ZNF780A: variants seen among roughly 807,000 people sequenced by gnomAD.
The protein encoded by ZNF780A is zinc finger protein 780A.
ZNF780A carries 40 observed loss-of-function variants against 56.7 expected under a neutral mutation model. That is an observed-to-expected ratio of 0.71 (90% CI 0.55 to 0.92). The LOEUF (loss-of-function observed/expected upper bound fraction) is 0.92, where lower values mean the gene tolerates loss of function less well. Among genes scored for constraint, ZNF780A ranks in the 40% least tolerant of loss-of-function variants. The probability of loss-of-function intolerance (pLI) is 0.00; values close to 1 mark genes in which losing one functional copy is unlikely to be tolerated. For synonymous variants in ZNF780A, 231 were observed against 248.3 expected (o/e 0.93, Z 0.66); for missense variants, 672 against 783.3 (o/e 0.86, Z 1.70).
chr19:40,069,360 C>CA (rs1031617949), downstream of ZNF780A: 1 of 152,216 alleles, frequency 6.6e-6, no homozygotes, highest in Non-Finnish European at 1.5e-5. Flanking sequence ...CCAGCTCTCA[C>CA]AAAAATTAAC....
intron 2 of ZNF780A, chr19:40,085,487 A>T (rs1036864911): frequency 1.3e-5 from 5 of 373,936 alleles, no homozygotes; most frequent in Non-Finnish European, 1.5e-5. Context: ...AATACTAATA[A>T]AAAGACTAAC....
intron 5 of ZNF780A, among the ~76,000 whole-genome samples, chr19:40,079,885 G>C (rs865874464): frequency 3.9e-4 from 59 of 152,042 alleles, no homozygotes; most frequent in Non-Finnish European, 2.1e-4. Flanking sequence ...AAAGCAGAAA[G>C]ATTTCAAATA....
rs1599825647 is a variant in ZNF780A, at chr19:40,073,843, T to C, written c.*673A>G. The C allele has an allele frequency of 1.4e-5, 14 of 995,564 alleles. No individual in the cohort carries two copies. Among genetic ancestry groups the C allele is most frequent in the Middle Eastern group, 5.1e-4 (1 of 1,948 alleles). 61.7% of individuals were successfully genotyped at this position (995,564 alleles called of 1,614,324 possible). ...AGTGAAGGCTTGTCCACACTCCTTA[T>C]TGTCACAAAATTTCTAACTATTCTG... On this transcript the variant is annotated 3_prime_UTR_variant, in exon 6 of 6. Transcript: ENST00000683561.
At chr19:40,072,886 A>C (rs2144891661), downstream of ZNF780A, 1 of 1,549,682 alleles carries the variant, frequency 6.5e-7, no homozygotes, top group Middle Eastern at 1.7e-4. Flanking sequence ...CAATACACTA[A>C]AGAGAGATAA....
downstream of ZNF780A, chr19:40,069,792 T>C (rs543515001): frequency 3.0e-4 from 46 of 152,358 alleles, no homozygotes; most frequent in African/African-American, 1.1e-3. Flanking sequence ...ATATGCCTTT[T>C]TTCCACCAAC....
Position 40,073,744 on chromosome 19 carries a change from T to C in ZNF780A, c.*772A>G. On this transcript the variant is annotated 3_prime_UTR_variant, in exon 6 of 6. Coordinates refer to ENST00000683561, the MANE Select transcript of ZNF780A (RefSeq NM_001142578.2). ...AATCCCAGGCCATGATGAAAGTTCT[T>C]CACACATTCTTTTATGTTCACAAGA... The C allele has an allele frequency of 1.0e-6, 1 of 986,116 alleles. No homozygotes were observed. The highest frequency in any genetic ancestry group is 1.2e-6 in the Non-Finnish European group (1 of 830,454). 61.1% of individuals were successfully genotyped at this position (986,116 alleles called of 1,614,324 possible).
At position 40,076,087 on chromosome 19, in the gene ZNF780A, T is replaced by A. The variant is rs1974118497; in HGVS notation, c.355A>T (p.Arg119Ter). Residue 119 changes from arginine to a stop codon, truncating the protein, a stop_gained, in exon 6 of 6, where the codon AGA becomes TGA. Coordinates refer to ENST00000683561, the MANE Select transcript of ZNF780A (RefSeq NM_001142578.2). LOFTEE classifies it high-confidence loss of function. ...TTLGIEAFYF[R>*]NDSEYRQFEG... ...AATTGTCTATATTCTGAGTCATTTC[T>A]AAAATAAAAGGCCTCAATGCCAAGA... The A allele has an allele frequency of 6.2e-7, 1 of 1,613,756 alleles. No homozygotes were observed. The highest frequency in any genetic ancestry group is 1.7e-5 in the Admixed American group (1 of 59,966).
At chr19:40,079,047 T>C (rs1974325835) in intron 5 of ZNF780A, among the ~76,000 whole-genome samples, 1 of 151,986 alleles carries the variant, frequency 6.6e-6, no homozygotes, top group Non-Finnish European at 1.5e-5. Flanking sequence ...AAGATATAGA[T>C]GGAATGGATT....
At chr19:40,069,975 A>C (rs1357312137), downstream of ZNF780A, 1 of 152,192 alleles carries the variant, frequency 6.6e-6, no homozygotes. Context: ...GAATCAGGTA[A>C]AAGGAGGGCC....
chr19:40,089,989 G>T (rs1975059074), intron 2 of ZNF780A, among the ~76,000 whole-genome samples, 177 bp downstream of exon 2: 1 of 152,128 alleles, frequency 6.6e-6, no homozygotes, highest in South Asian at 2.1e-4. Flanking sequence ...AAAAGAGAGC[G>T]CACAGGAAGG....
At chr19:40,070,610 C>A (rs577267048), downstream of ZNF780A, 1 of 152,308 alleles carries the variant, frequency 6.6e-6, no homozygotes, top group East Asian at 1.9e-4. Context: ...TCAGTATGTT[C>A]ACTGAGCTTG....
chr19:40,073,207 A>C lies in ZNF780A; in HGVS notation c.*1309T>G, dbSNP rs952613597. On this transcript the variant is annotated 3_prime_UTR_variant, in exon 6 of 6. Coordinates refer to ENST00000683561, the MANE Select transcript of ZNF780A (RefSeq NM_001142578.2). Reference sequence around the variant, plus strand: ...CAATTTTGAATCTAGGTTGGGGTATATGATTGTATATTTGACTATTCTTTC... The same window carrying C: ...CAATTTTGAATCTAGGTTGGGGTATCTGATTGTATATTTGACTATTCTTTC... 5 of 666,132 alleles carry C rather than the reference A, an allele frequency of 7.5e-6. No individual in the cohort carries two copies. The highest frequency in any genetic ancestry group is 4.7e-5 in the Admixed American group (1 of 21,326). 41.3% of individuals were successfully genotyped at this position (666,132 alleles called of 1,614,324 possible). A position where few individuals can be genotyped will look rare whatever the true frequency, so the allele number is the denominator to read the frequency against.
Position 40,074,678 on chromosome 19 carries a change from C to T in ZNF780A, c.1764G>A (p.Lys588=), listed in dbSNP as rs1386553169. ...GAAGTCGAAAGGCTTTCCCACACTC[C>T]TTACATTCAAAGGGTTTCTCACCAG... is the stretch of plus-strand genomic sequence containing the variant. The part of the protein sequence containing the change: ...LHTGEKPFEC[K]ECGKAFRLHM... The change falls in exon 6 of 6, where the codon AAG becomes AAA. Residue 588 remains lysine (K), a synonymous_variant. Transcript: ENST00000683561. 6.2e-7 allele frequency: 1 copy of T among 1,614,142 alleles called. No homozygotes were observed. Among genetic ancestry groups the T allele is most frequent in the Non-Finnish European group, 8.5e-7 (1 of 1,180,006 alleles).
downstream of ZNF780A, chr19:40,070,885 G>C (rs866154519): frequency 2.6e-5 from 4 of 152,012 alleles, no homozygotes; most frequent in Admixed American, 2.0e-4. Flanking sequence ...GTTGTGCTGG[G>C]TTAATACCCA....
At chr19:40,083,361 A>G in intron 3 of ZNF780A, 124 bp from the exon 4 acceptor site, 1 of 1,428,758 alleles carries the variant, frequency 7.0e-7, no homozygotes. Context: ...GTGCCTGCAC[A>G]TTCTTCAAGA....
rs1389673388 is a variant in ZNF780A at position 40,083,118 on chromosome 19, G to T, written c.129C>A (p.Ile43=). 6.2e-7 allele frequency: 1 copy of T among 1,614,196 alleles called. No homozygotes were observed. Residue 43 remains isoleucine (I), a synonymous_variant, in exon 4 of 6, where the codon ATC becomes ATA. Transcript: ENST00000683561. ...GGGACTCAACGACCTTACCCAGTGA[G>T]ATCAGGTGGCTGTAGTTCTCCAACA... The part of the protein sequence containing the change: ...DVMLENYSHL[I]SLGSSISKPD...
chr19:40,080,278 TCTC>T (rs1481387328), intron 5 of ZNF780A, among the ~76,000 whole-genome samples: 2 of 152,126 alleles, frequency 1.3e-5, no homozygotes, highest in East Asian at 3.9e-4. Flanking sequence ...AGAAGGGAAT[TCTC>T]CTTAACTCTT....
In ZNF780A at chr19:40,073,581, C is replaced by A. The variant is rs1412526897; in HGVS notation, c.*935G>T. 1.0e-5 allele frequency: 10 copies of A among 985,794 alleles called. No homozygotes were observed. The highest frequency in any genetic ancestry group is 1.1e-5 in the Non-Finnish European group (9 of 830,382). 61.1% of individuals were successfully genotyped at this position (985,794 alleles called of 1,614,324 possible). A position where few individuals can be genotyped will look rare whatever the true frequency, so the allele number is the denominator to read the frequency against. ...GAGTACATTGTGAACATGACAACTA[C>A]CCTATATTCCTCATTCAAAGACTTT... On this transcript the variant is annotated 3_prime_UTR_variant, in exon 6 of 6. Coordinates refer to ENST00000683561, the MANE Select transcript of ZNF780A (RefSeq NM_001142578.2).
chr19:40,075,430 A>C lies in ZNF780A; in HGVS notation c.1012T>G (p.Cys338Gly). ...TGEKPFECKE[C>G]GKAFTLLTKL... ...GTCAGAAGAGTAAACGCCTTTCCAC[A>C]TTCTTTACATTCAAAGGGTTTCTCA... Residue 338 changes from cysteine to glycine, a missense_variant, in exon 6 of 6, where the codon TGT becomes GGT. Transcript: ENST00000683561. 6.2e-7 allele frequency: 1 copy of C among 1,614,082 alleles called. No individual in the cohort carries two copies. Among genetic ancestry groups the C allele is most frequent in the Non-Finnish European group, 8.5e-7 (1 of 1,180,028 alleles).
Sources: allele counts gnomAD v4.1 joint callset (sites outside exome capture counted in the v4.1 genomes callset), GRCh38; gene constraint gnomAD v4.1.1; transcripts MANE v1.5; gene names NCBI Gene and HGNC (gene_info 2026-07-23, HGNC 2026-07-21).